The following TMEM223 variants were observed in gnomAD, a reference collection of about 807,000 sequenced individuals.
TMEM223 encodes the protein transmembrane protein 223.
In TMEM223, 14 loss-of-function variants were observed where a neutral mutation model predicts 14.1. The observed-to-expected ratio is 0.99, with a 90% CI of 0.66 to 1.55. TMEM223 has a LOEUF of 1.55. TMEM223 is among the 40% of genes most tolerant of loss of function. TMEM223 has a pLI of 0.00. For synonymous variants in TMEM223, 145 were observed against 120.5 expected (o/e 1.20, Z -1.33); for missense variants, 346 against 269.9 (o/e 1.28, Z -1.97).
At chr11:62,775,533 A>T (rs2084179918) in intron 1 of TMEM223, 1 of 441,046 alleles carries the variant, frequency 2.3e-6, no homozygotes, top group South Asian at 3.3e-5. Flanking sequence ...CAGGGCAGGA[A>T]TGGGACCTAG....
At chr11:62,786,914 C>A, downstream of TMEM223, 1 of 1,499,430 alleles carries the variant, frequency 6.7e-7, no homozygotes, top group Non-Finnish European at 8.8e-7. Context: ...ATAGTCAGCC[C>A]GCACGGCGAC....
downstream of TMEM223, chr11:62,771,335 G>C (rs2084144888): frequency 6.6e-6 from 1 of 152,648 alleles, no homozygotes; most frequent in Non-Finnish European, 1.5e-5. Context: ...TGGAGGGCCG[G>C]AAACTTTCCA....
rs1411833897 is a variant in TMEM223 at position 62,790,678 on chromosome 11, T to C, written c.554A>G (p.His185Arg). The change falls in exon 2 of 2, where the codon CAC becomes CGC. Residue 185 changes from histidine to arginine, a missense_variant. Transcript: ENST00000307366. ...GTCAAAGAGTTTTGTGTTAGGGAAG[T>C]GTCCAGTTTTGTCCAAGAGGAAATA... ...RFYFLLDKTG[H>R]FPNTKLFDNT... The C allele has an allele frequency of 6.2e-7, 1 of 1,612,064 alleles. No homozygotes were observed. The highest frequency in any genetic ancestry group is 8.5e-7 in the Non-Finnish European group (1 of 1,178,994).
chr11:62,775,752 C>A (rs369118998), intron 1 of TMEM223: 2 of 1,586,448 alleles, frequency 1.3e-6, no homozygotes, highest in Non-Finnish European at 8.5e-7. Flanking sequence ...CTTTTCCAGT[C>A]TTCATTCTCC....
rs550678956 is a variant in TMEM223, at chr11:62,790,572, G to A, written c.*51C>T. 1,157 of 1,520,570 alleles carry A rather than the reference G, an allele frequency of 7.6e-4. 17 individuals carry two copies. In the South Asian group the frequency reaches 0.013, roughly 17 times the overall value. 94.2% of individuals were successfully genotyped at this position (1,520,570 alleles called of 1,614,324 possible). A position where few individuals can be genotyped will look rare whatever the true frequency, so the allele number is the denominator to read the frequency against. On this transcript the variant is annotated 3_prime_UTR_variant, in exon 2 of 2. Coordinates refer to ENST00000307366, the MANE Select transcript of TMEM223 (RefSeq NM_001080501.3). ...GAACCAACACACCTGGCTCCCCAAG[G>A]TTCAGTTTTTATCCTCCTCTTGGAG... is the stretch of plus-strand genomic sequence containing the variant.
chr11:62,772,498 G>A (rs1350853602), intron 2 of TMEM223, among the ~76,000 whole-genome samples: 1 of 150,878 alleles, frequency 6.6e-6, no homozygotes, highest in East Asian at 2.0e-4. Context: ...ACTCCAGCCT[G>A]GGTGACAGAG....
At chr11:62,779,748 C>T (rs2084213415) in intron 1 of TMEM223, among the ~76,000 whole-genome samples, 1 of 151,490 alleles carries the variant, frequency 6.6e-6, no homozygotes, top group African/African-American at 2.4e-5. Flanking sequence ...TCACTGCAGC[C>T]TCTACCTCTT....
downstream of TMEM223, chr11:62,789,475 T>C: frequency 6.2e-7 from 1 of 1,611,970 alleles, no homozygotes; most frequent in Non-Finnish European, 8.5e-7. Flanking sequence ...ACCTTCCCTC[T>C]GCAGCGGGGT....
chr11:62,786,285 A>C (rs764562011), downstream of TMEM223: 1 of 1,614,040 alleles, frequency 6.2e-7, no homozygotes, highest in East Asian at 2.2e-5. Flanking sequence ...CTGTACCCAC[A>C]CCTGTCCACC....
chr11:62,776,765 C>T (rs1163284532), intron 1 of TMEM223, among the ~76,000 whole-genome samples: 1 of 151,158 alleles, frequency 6.6e-6, no homozygotes, highest in African/African-American at 2.4e-5. Flanking sequence ...GCATGAGAAT[C>T]GCTTGAACCT....
intron 1 of TMEM223, among the ~76,000 whole-genome samples, chr11:62,791,278 A>G (rs1396385116): frequency 6.6e-6 from 1 of 150,906 alleles, no homozygotes; most frequent in African/African-American, 2.4e-5. Context: ...TTTTTTTGAG[A>G]GGGGAGTCTC....
At position 62,790,880 on chromosome 11, in the gene TMEM223, GAGAGA is replaced by G. The variant is rs777883098; in HGVS notation, c.347_351del (p.Phe116SerfsTer45). 130 of 1,600,000 alleles carry G rather than the reference GAGAGA, an allele frequency of 8.1e-5. No homozygotes were observed. The highest frequency in any genetic ancestry group is 2.8e-4 in the African/African-American group (21 of 74,740). ...AGCACCACTGAGCGCACAGACCGGA[GAGAGA>G]AGAGAAGACCAGCACCGAGTACGAG... On this transcript the variant is annotated frameshift_variant, in exon 2 of 2. Coordinates refer to ENST00000307366, the MANE Select transcript of TMEM223 (RefSeq NM_001080501.3). LOFTEE classifies it high-confidence loss of function.
At chr11:62,781,834 C>A in intron 1 of TMEM223, 1 of 1,386,872 alleles carries the variant, frequency 7.2e-7, no homozygotes, top group Non-Finnish European at 1.0e-6. Context: ...CAGAAGAATA[C>A]CGCATTCATG....
chr11:62,789,086 T>G (rs775463957), downstream of TMEM223: 11 of 1,614,210 alleles, frequency 6.8e-6, no homozygotes, highest in Non-Finnish European at 8.5e-6. Context: ...CTCCCTGGCC[T>G]TATCCCGTCC....
At chr11:62,779,019 G>GT (rs373542247) in intron 1 of TMEM223, 152,493 of 905,398 alleles carry the variant, frequency 0.17, 22 homozygotes, top group East Asian at 0.19. Context: ...TTCTAGACCT[G>GT]TTTTTTTTTT....
chr11:62,787,747 A>G (rs1016152567), downstream of TMEM223: 3 of 670,396 alleles, frequency 4.5e-6, no homozygotes, highest in Non-Finnish European at 7.8e-6. Context: ...CGCCAAAGGG[A>G]CGGGTCAGTA....
downstream of TMEM223, chr11:62,789,028 C>G (rs774662282): frequency 1.9e-6 from 3 of 1,611,280 alleles, no homozygotes; most frequent in Non-Finnish European, 2.5e-6. Context: ...CACAGGGCTC[C>G]TTCAGTGGTA....
chr11:62,778,442 T>A, intron 1 of TMEM223: 3 of 1,357,818 alleles, frequency 2.2e-6, no homozygotes, highest in Non-Finnish European at 3.1e-6. Context: ...TGTTTACCCA[T>A]GCCTGCCTTG....
rs535924358 is a variant in TMEM223, at chr11:62,790,473, G to A, written c.*150C>T. 1.1e-4 allele frequency: 73 copies of A among 642,352 alleles called. No homozygotes were observed. The highest frequency in any genetic ancestry group is 4.1e-4 in the African/African-American group (22 of 53,480). 39.8% of individuals were successfully genotyped at this position (642,352 alleles called of 1,614,324 possible). On this transcript the variant is annotated 3_prime_UTR_variant, in exon 2 of 2. Coordinates refer to ENST00000307366, the MANE Select transcript of TMEM223 (RefSeq NM_001080501.3). ...TTTTTGTAAATAGAGACAAGGTCTC[G>A]CTATGTTGCCCAGCCTGGGCTCGAG...
Sources: gnomAD v4.1 joint callset for allele counts (sites outside exome capture counted in the v4.1 genomes callset) on GRCh38, gnomAD v4.1.1 for gene constraint, MANE v1.5 for transcripts, NCBI Gene and HGNC (gene_info 2026-07-23, HGNC 2026-07-21) for gene names.